The following PRDM10 variants were observed in gnomAD, a reference collection of about 807,000 sequenced individuals.
The protein encoded by PRDM10 is PR domain zinc finger protein 10.
PRDM10 carries 65 observed loss-of-function variants against 133.1 expected under a neutral mutation model. The observed-to-expected ratio is 0.49, with a 90% CI of 0.40 to 0.60. The LOEUF is 0.60. PRDM10 is among the 20% of genes least tolerant of loss of function. The pLI is 0.00. For synonymous variants in PRDM10, 582 were observed against 580.4 expected (o/e 1.00, Z -0.04); for missense variants, 1,137 against 1,507.1 (o/e 0.75, Z 4.07).
intron 1 of PRDM10, among the ~76,000 whole-genome samples, chr11:129,975,476 T>C (rs1357123976): frequency 9.2e-5 from 14 of 152,070 alleles, no homozygotes; most frequent in Non-Finnish European, 5.9e-5. Flanking sequence ...AATTTCACTT[T>C]CTGTATATAT....
chr11:129,944,502 G>A (rs1365164550), intron 6 of PRDM10, among the ~76,000 whole-genome samples: 3 of 149,730 alleles, frequency 2.0e-5, no homozygotes, highest in Non-Finnish European at 2.9e-5. Flanking sequence ...GGAGAATGGC[G>A]TGAACCCGGA....
At chr11:129,977,511 T>C (rs564992258) in intron 1 of PRDM10, among the ~76,000 whole-genome samples, 22 of 152,294 alleles carry the variant, frequency 1.4e-4, no homozygotes, top group Non-Finnish European at 3.2e-4. Flanking sequence ...CTCGATCTCC[T>C]GACCTCATGA....
chr11:129,929,319 C>A, intron 11 of PRDM10: 1 of 1,273,308 alleles, frequency 7.9e-7, no homozygotes, highest in East Asian at 2.8e-5. Flanking sequence ...CTGTGGTTTC[C>A]ACCAGGATTT....
chr11:129,969,757 A>G (rs1328767658), intron 1 of PRDM10, among the ~76,000 whole-genome samples: 1 of 152,194 alleles, frequency 6.6e-6, no homozygotes, highest in Non-Finnish European at 1.5e-5. Flanking sequence ...CAGTGAGCTG[A>G]GATTGTGCCA....
intron 7 of PRDM10, among the ~76,000 whole-genome samples, chr11:129,937,911 A>AT (rs1951084111): frequency 6.6e-6 from 1 of 152,238 alleles, no homozygotes; most frequent in Admixed American, 6.5e-5. Context: ...TGTTACTAGA[A>AT]TAACTTCACA....
At chr11:129,963,180 AC>A (rs1484576432) in intron 1 of PRDM10, among the ~76,000 whole-genome samples, 3 of 151,942 alleles carry the variant, frequency 2.0e-5, no homozygotes, top group Admixed American at 1.3e-4. Flanking sequence ...AATAAATGTC[AC>A]CAATCATCTA....
intron 11 of PRDM10, among the ~76,000 whole-genome samples, chr11:129,926,550 AT>A (rs1399912326): frequency 6.6e-6 from 1 of 152,230 alleles, no homozygotes; most frequent in African/African-American, 2.4e-5. Flanking sequence ...TGAAATCATC[AT>A]GTGAGGAAAA....
intron 1 of PRDM10, among the ~76,000 whole-genome samples, chr11:129,994,126 A>G (rs182122892): frequency 1.3e-5 from 2 of 152,274 alleles, no homozygotes; most frequent in African/African-American, 2.4e-5. Context: ...TAAATGATGT[A>G]TAAGTTTTTG....
intron 13 of PRDM10, among the ~76,000 whole-genome samples, chr11:129,919,379 A>G (rs560527865): frequency 3.3e-5 from 5 of 152,322 alleles, no homozygotes; most frequent in African/African-American, 1.2e-4. Flanking sequence ...AAAAAATGCC[A>G]TGTGTATACT....
chr11:129,907,818 AG>A (rs759928547), intron 19 of PRDM10, among the ~76,000 whole-genome samples: 2 of 151,912 alleles, frequency 1.3e-5, no homozygotes, highest in Non-Finnish European at 2.9e-5. Flanking sequence ...GGCTTGGCAC[AG>A]GGGCTCACGC....
rs1950831432 is a variant in PRDM10, at chr11:129,930,894, T to C, written c.1530+122A>G. 8.8e-6 allele frequency: 12 copies of C among 1,363,392 alleles called. No homozygotes were observed. In the East Asian group the frequency reaches 9.3e-5, roughly 11 times the overall value. The allele number at this position is 1,363,392 out of a possible 1,614,324, so 84.5% of individuals were successfully genotyped here. A position where few individuals can be genotyped will look rare whatever the true frequency, so the allele number is the denominator to read the frequency against. On this transcript the variant is annotated intron_variant, in intron 11 of 20. Coordinates refer to ENST00000360871, the MANE Select transcript of PRDM10 (RefSeq NM_199437.2). ...TCTTTCAAAATAAGGGGATCGAGCA[T>C]GTGACAGGCTAGATGCAAGATTTCA...
intron 6 of PRDM10, among the ~76,000 whole-genome samples, chr11:129,943,878 A>G (rs1399643076): frequency 2.6e-5 from 4 of 152,140 alleles, no homozygotes; most frequent in African/African-American, 9.7e-5. Flanking sequence ...CTGTAGTCCC[A>G]GCTACTCGGG....
intron 1 of PRDM10, among the ~76,000 whole-genome samples, chr11:129,969,965 C>T (rs1386977287): frequency 6.6e-6 from 1 of 152,006 alleles, no homozygotes; most frequent in Admixed American, 6.6e-5. Context: ...ATAGAGAAAA[C>T]ACATCTTAAG....
At chr11:129,925,302 A>G in intron 11 of PRDM10, 73 bp from the exon 12 acceptor site, 1 of 1,362,624 alleles carries the variant, frequency 7.3e-7, no homozygotes. Flanking sequence ...TTTTACAGAG[A>G]AAGAGAGGAT....
intron 3 of PRDM10, among the ~76,000 whole-genome samples, chr11:129,956,540 G>A (rs1224600402): frequency 6.6e-6 from 1 of 152,074 alleles, no homozygotes; most frequent in Non-Finnish European, 1.5e-5. Flanking sequence ...TTCCAGCCTA[G>A]GAGACAGAGC....
intron 11 of PRDM10, among the ~76,000 whole-genome samples, chr11:129,930,793 C>G (rs1950828280): frequency 6.6e-6 from 1 of 152,188 alleles, no homozygotes; most frequent in African/African-American, 2.4e-5. Context: ...TGTGTCGTCA[C>G]TAAATTGGTC....
chr11:129,999,118 C>A (rs115311183), intron 1 of PRDM10, among the ~76,000 whole-genome samples: 1 of 151,982 alleles, frequency 6.6e-6, no homozygotes, highest in Non-Finnish European at 1.5e-5. Flanking sequence ...CCACCACACC[C>A]GGCTGTGTTA....
chr11:129,966,093 A>C (rs1200508958), intron 1 of PRDM10, among the ~76,000 whole-genome samples: 1 of 151,968 alleles, frequency 6.6e-6, no homozygotes, highest in Non-Finnish European at 1.5e-5. Context: ...AAAATACAAA[A>C]ATTAGCCAGG....
intron 7 of PRDM10, 133 bp downstream of exon 7, chr11:129,942,293 T>C (rs1591638220): frequency 1.3e-6 from 1 of 760,748 alleles, no homozygotes; most frequent in South Asian, 1.8e-5. Context: ...TCAATAAGTA[T>C]GTGAATAACC....
Sources: gnomAD v4.1 joint callset for allele counts (sites outside exome capture counted in the v4.1 genomes callset) on GRCh38, gnomAD v4.1.1 for gene constraint, MANE v1.5 for transcripts, NCBI Gene and HGNC (gene_info 2026-07-23, HGNC 2026-07-21) for gene names.